The following ZBTB7C variants were observed in gnomAD, a reference collection of about 807,000 sequenced individuals.
ZBTB7C encodes the protein zinc finger and BTB domain-containing protein 7C.
A neutral mutation model predicts 25.7 loss-of-function variants in ZBTB7C; 8 were observed. The observed-to-expected ratio is 0.31, with a 90% confidence interval of 0.18 to 0.56. The LOEUF is 0.56. Ranked by LOEUF, ZBTB7C falls within the 20% of genes least tolerant of loss-of-function variation. ZBTB7C has a pLI of 0.91. For missense variants in ZBTB7C, 824 were observed against 855.2 expected (o/e 0.96, Z 0.46); for synonymous variants, 394 against 369.0 (o/e 1.07, Z -0.78).
intron 3 of ZBTB7C, among the ~76,000 whole-genome samples, chr18:48,086,002 T>G (rs1227822289): frequency 6.6e-6 from 1 of 152,228 alleles, no homozygotes; most frequent in Non-Finnish European, 1.5e-5. Flanking sequence ...GCTGGCTTAC[T>G]CTGAACATTG....
At chr18:48,341,088 G>A (rs1284893356) in intron 1 of ZBTB7C, among the ~76,000 whole-genome samples, 1 of 152,142 alleles carries the variant, frequency 6.6e-6, no homozygotes, top group Non-Finnish European at 1.5e-5. Context: ...AGTTCCTTTG[G>A]AGCTGGAACT....
chr18:48,108,372 G>A (rs966471725), intron 3 of ZBTB7C, among the ~76,000 whole-genome samples: 20 of 152,296 alleles, frequency 1.3e-4, no homozygotes, highest in Admixed American at 1.2e-3. Context: ...CAGGCAGGAA[G>A]TACTCCAGAG....
chr18:48,233,057 A>G (rs11082664), intron 2 of ZBTB7C, among the ~76,000 whole-genome samples: 150,656 of 152,252 alleles, frequency 0.99, 74,559 homozygotes, highest in Middle Eastern at 1. Context: ...TGGCTTGAAT[A>G]TGTCCCCTCC....
chr18:48,243,208 G>A (rs1480431217), intron 2 of ZBTB7C, among the ~76,000 whole-genome samples: 1 of 139,854 alleles, frequency 7.2e-6, no homozygotes, highest in Non-Finnish European at 1.5e-5. Flanking sequence ...AGGTTGCAGT[G>A]AGCCAAGATC....
chr18:48,114,235 A>G (rs1190582787), intron 3 of ZBTB7C, among the ~76,000 whole-genome samples: 1 of 152,224 alleles, frequency 6.6e-6, no homozygotes. Flanking sequence ...ACATTATTTT[A>G]TGAAGTTGGA....
chr18:48,403,907 C>T (rs574034461), intron 1 of ZBTB7C, among the ~76,000 whole-genome samples: 79 of 151,682 alleles, frequency 5.2e-4, no homozygotes, highest in Non-Finnish European at 9.6e-4. Context: ...TTAAATTATA[C>T]GGGAAGCATT....
chr18:48,323,900 C>G (rs925309187), intron 2 of ZBTB7C, among the ~76,000 whole-genome samples: 7 of 151,964 alleles, frequency 4.6e-5, no homozygotes, highest in African/African-American at 1.7e-4. Flanking sequence ...ATGCTGAAAC[C>G]CTAATCGCAA....
intron 1 of ZBTB7C, among the ~76,000 whole-genome samples, chr18:48,393,721 C>A (rs73437406): frequency 0.056 from 8,539 of 152,088 alleles, 283 homozygotes; most frequent in South Asian, 0.11. Flanking sequence ...CCACAAAGGG[C>A]AAAATCTGAG....
chr18:48,209,535 G>A lies in ZBTB7C; in HGVS notation c.-78-23540C>T, dbSNP rs151263176. Among the ~76,000 whole-genome samples the A allele has an allele frequency of 4.9e-3, 743 of 152,258 alleles. 10 individuals carry two copies. The highest frequency in any genetic ancestry group is 0.017 in the African/African-American group (713 of 41,542). On this transcript the variant is annotated intron_variant, in intron 2 of 4. Transcript: ENST00000590800. ...TTTGGGAGGCCGAGGCAGGAGGACTGCTTGAGGCCCAGAGTTCAAGACCAG... is the reference window on the plus strand; with the variant it reads ...TTTGGGAGGCCGAGGCAGGAGGACTACTTGAGGCCCAGAGTTCAAGACCAG...
intron 1 of ZBTB7C, among the ~76,000 whole-genome samples, chr18:48,344,936 A>G (rs992378603): frequency 6.6e-6 from 1 of 151,972 alleles, no homozygotes; most frequent in Non-Finnish European, 1.5e-5. Context: ...TCTTCTATAT[A>G]CTCTCTGATG....
intron 2 of ZBTB7C, among the ~76,000 whole-genome samples, chr18:48,282,513 T>C (rs1363256118): frequency 3.3e-5 from 5 of 152,154 alleles, no homozygotes; most frequent in Non-Finnish European, 7.3e-5. Flanking sequence ...TCCAGGTATA[T>C]ATAGCTAACA....
At position 48,036,565 on chromosome 18, in the gene ZBTB7C, T is replaced by C. The variant is rs1385020189; in HGVS notation, c.1208+3335A>G. On this transcript the variant is annotated intron_variant, in intron 4 of 4. Transcript: ENST00000590800. ...CTTTGCCAGGGCAGAAGCTCAGCTG[T>C]GATGAAGGAAAGACTCGGGTTCCAG... Among the ~76,000 whole-genome samples the C allele has an allele frequency of 3.3e-5, 5 of 152,040 alleles. No homozygotes were observed. In the East Asian group the frequency reaches 9.7e-4, roughly 30 times the overall value.
intron 2 of ZBTB7C, among the ~76,000 whole-genome samples, chr18:48,262,670 C>T (rs1190280636): frequency 6.6e-6 from 1 of 152,068 alleles, no homozygotes; most frequent in Non-Finnish European, 1.5e-5. Flanking sequence ...TGTGACATAC[C>T]CAACAGACAG....
chr18:48,178,939 A>G (rs1007494105), intron 3 of ZBTB7C, among the ~76,000 whole-genome samples: 4 of 152,132 alleles, frequency 2.6e-5, no homozygotes, highest in Admixed American at 2.6e-4. Flanking sequence ...AAGGGTGGCC[A>G]TGGAGCAGCA....
intron 2 of ZBTB7C, among the ~76,000 whole-genome samples, chr18:48,296,645 A>G (rs28566567): frequency 0.044 from 6,656 of 152,176 alleles, 302 homozygotes; most frequent in African/African-American, 0.12. Flanking sequence ...TGCTCTCCCA[A>G]TGCCGTGTCC....
intron 3 of ZBTB7C, among the ~76,000 whole-genome samples, chr18:48,060,694 C>G (rs1351889968): frequency 2.6e-5 from 4 of 152,194 alleles, no homozygotes; most frequent in South Asian, 4.1e-4. Context: ...TCCAGGAAAC[C>G]TTCCTGAATT....
intron 2 of ZBTB7C, among the ~76,000 whole-genome samples, chr18:48,209,200 T>G (rs1476341250): frequency 6.6e-6 from 1 of 152,206 alleles, no homozygotes; most frequent in African/African-American, 2.4e-5. Flanking sequence ...AGTTGGGACC[T>G]GTTATTCAAC....
chr18:48,152,971 G>A (rs1305093110), intron 3 of ZBTB7C, among the ~76,000 whole-genome samples: 1 of 152,236 alleles, frequency 6.6e-6, no homozygotes, highest in Non-Finnish European at 1.5e-5. Flanking sequence ...GCTGTTGAGT[G>A]GAACAATGGG....
chr18:48,089,060 C>T (rs1198269140), intron 3 of ZBTB7C, among the ~76,000 whole-genome samples: 3 of 152,140 alleles, frequency 2.0e-5, no homozygotes, highest in South Asian at 2.1e-4. Context: ...ACTGATCACA[C>T]AGGAGAGAAA....
Sources: allele counts gnomAD v4.1 joint callset (sites outside exome capture counted in the v4.1 genomes callset), GRCh38; gene constraint gnomAD v4.1.1; transcripts MANE v1.5; gene names NCBI Gene and HGNC (gene_info 2026-07-23, HGNC 2026-07-21).